Variants in PCDH9 observed in about 807,000 individuals in gnomAD.
The protein encoded by PCDH9 is protocadherin-9.
Under a neutral mutation model 70.6 loss-of-function variants are expected in PCDH9, and 24 were observed. The ratio of observed to expected loss-of-function variants is 0.34; its 90% CI spans 0.25 to 0.48. PCDH9 has a LOEUF of 0.48. Among genes scored for constraint, PCDH9 ranks in the 20% least tolerant of loss-of-function variants. The probability of loss-of-function intolerance (pLI) is 0.99; values close to 1 mark genes in which losing one functional copy is unlikely to be tolerated. For synonymous variants in PCDH9, 562 were observed against 558.5 expected, an observed-to-expected ratio of 1.01 and a Z score of -0.09; for missense variants, 1,281 against 1,503.6, an observed-to-expected ratio of 0.85 and a Z score of 2.45.
rs576734431 is a variant in PCDH9 at position 67,140,654 on chromosome 13, T to C, written c.3036+84751A>G. On this transcript the variant is annotated intron_variant, in intron 2 of 4. Transcript: ENST00000377865. ...TGGGATGGAACCTATACCTGGTATT[T>C]CTTTAAAAACCCCAGCTAATTCCAA... Among the ~76,000 whole-genome samples the C allele has an allele frequency of 3.1e-4, 47 of 152,330 alleles. 1 individual carries two copies. Among genetic ancestry groups the C allele is most frequent in the African/African-American group, 1.1e-3 (47 of 41,580 alleles).
At chr13:66,364,163 AC>A (rs1439313716) in intron 4 of PCDH9, among the ~76,000 whole-genome samples, 3 of 152,284 alleles carry the variant, frequency 2.0e-5, no homozygotes, top group African/African-American at 7.2e-5. Context: ...GTCCAAAAAA[AC>A]AAACAAAAAA....
At chr13:67,052,636 G>A (rs565627670) in intron 2 of PCDH9, among the ~76,000 whole-genome samples, 22 of 151,624 alleles carry the variant, frequency 1.5e-4, no homozygotes, top group Non-Finnish European at 2.9e-4. Flanking sequence ...GGAGGGAGGT[G>A]CAGCCATTCA....
chr13:66,499,101 A>C (rs746939038), intron 4 of PCDH9, among the ~76,000 whole-genome samples: 1 of 152,064 alleles, frequency 6.6e-6, no homozygotes, highest in Non-Finnish European at 1.5e-5. Flanking sequence ...GACAAAAATA[A>C]AAGCTTATGA....
chr13:66,851,032 A>G (rs61651176), intron 3 of PCDH9, among the ~76,000 whole-genome samples: 139 of 152,350 alleles, frequency 9.1e-4, no homozygotes, highest in African/African-American at 3.3e-3. Context: ...AATTAAACCA[A>G]TAGAAATCTA....
At chr13:66,313,559 C>T (rs1029139574) in intron 4 of PCDH9, among the ~76,000 whole-genome samples, 2 of 152,150 alleles carry the variant, frequency 1.3e-5, no homozygotes, top group Admixed American at 6.5e-5. Context: ...GTTGCAAAAG[C>T]GAGCCTGAAT....
chr13:66,543,211 T>C (rs564894640), intron 4 of PCDH9, among the ~76,000 whole-genome samples: 1 of 152,102 alleles, frequency 6.6e-6, no homozygotes, highest in Non-Finnish European at 1.5e-5. Flanking sequence ...ATATCACTAG[T>C]AGACAGAATG....
chr13:66,854,729 G>A (rs1362603505), intron 3 of PCDH9, among the ~76,000 whole-genome samples: 2 of 152,034 alleles, frequency 1.3e-5, no homozygotes, highest in Admixed American at 1.3e-4. Flanking sequence ...CAAAAACTCT[G>A]TGATATGCTT....
At chr13:67,181,246 A>C (rs935922601) in intron 2 of PCDH9, among the ~76,000 whole-genome samples, 1 of 152,248 alleles carries the variant, frequency 6.6e-6, no homozygotes, top group Non-Finnish European at 1.5e-5. Flanking sequence ...ATGGTAAATC[A>C]AACTTGCATA....
intron 4 of PCDH9, among the ~76,000 whole-genome samples, chr13:66,543,274 T>C (rs1386739963): frequency 6.6e-6 from 1 of 152,048 alleles, no homozygotes; most frequent in Non-Finnish European, 1.5e-5. Context: ...AAAATAGTTA[T>C]ATGAGTAAAA....
At chr13:66,596,483 T>C (rs1241976073) in intron 4 of PCDH9, among the ~76,000 whole-genome samples, 1 of 151,200 alleles carries the variant, frequency 6.6e-6, no homozygotes, top group African/African-American at 2.4e-5. Context: ...CACCCATATA[T>C]GTGTAAATTT....
intron 2 of PCDH9, among the ~76,000 whole-genome samples, chr13:66,905,230 G>C (rs1393373000): frequency 6.6e-6 from 1 of 151,408 alleles, no homozygotes; most frequent in South Asian, 2.1e-4. Context: ...TTTCATCTGT[G>C]ATGTCCATAG....
chr13:66,683,809 C>T (rs761464067), intron 3 of PCDH9, among the ~76,000 whole-genome samples: 21 of 151,816 alleles, frequency 1.4e-4, no homozygotes, highest in Non-Finnish European at 2.6e-4. Flanking sequence ...AATTCCCTCC[C>T]CACCTTATTC....
chr13:66,696,592 T>C (rs937753239), intron 3 of PCDH9, among the ~76,000 whole-genome samples: 3 of 152,134 alleles, frequency 2.0e-5, no homozygotes, highest in African/African-American at 4.8e-5. Flanking sequence ...GGTAACATAA[T>C]TGACTTTCTA....
At chr13:67,192,949 T>C (rs1407880202) in intron 2 of PCDH9, among the ~76,000 whole-genome samples, 2 of 152,192 alleles carry the variant, frequency 1.3e-5, no homozygotes, top group African/African-American at 4.8e-5. Context: ...ACTGTCCCTC[T>C]GACCAATTCT....
At chr13:66,549,558 C>A (rs1961382716) in intron 4 of PCDH9, among the ~76,000 whole-genome samples, 1 of 151,850 alleles carries the variant, frequency 6.6e-6, no homozygotes, top group Non-Finnish European at 1.5e-5. Context: ...TTTTTTTGGA[C>A]TGGGTCCAGG....
At chr13:66,752,832 A>AC (rs2079481612) in intron 3 of PCDH9, among the ~76,000 whole-genome samples, 1 of 152,174 alleles carries the variant, frequency 6.6e-6, no homozygotes, top group Admixed American at 6.5e-5. Flanking sequence ...AGAAAAGAGA[A>AC]ATAGGGGTTA....
intron 2 of PCDH9, among the ~76,000 whole-genome samples, chr13:67,149,205 A>T (rs1211479417): frequency 6.6e-6 from 1 of 152,184 alleles, no homozygotes. Flanking sequence ...GCCTGCTAGA[A>T]TTTGTGAGTC....
At chr13:66,854,623 CTT>C (rs369097579) in intron 3 of PCDH9, among the ~76,000 whole-genome samples, 24 of 148,102 alleles carry the variant, frequency 1.6e-4, no homozygotes, top group African/African-American at 5.9e-4. Context: ...TTTAGTGCCA[CTT>C]TTTTTTTTGT....
At chr13:66,397,391 C>T (rs1957117926) in intron 4 of PCDH9, among the ~76,000 whole-genome samples, 1 of 151,654 alleles carries the variant, frequency 6.6e-6, no homozygotes, top group Non-Finnish European at 1.5e-5. Context: ...TGCACCCCAG[C>T]CTGGGTGACA....
Sources: gnomAD v4.1 joint callset for allele counts (sites outside exome capture counted in the v4.1 genomes callset) on GRCh38, gnomAD v4.1.1 for gene constraint, MANE v1.5 for transcripts, NCBI Gene and HGNC (gene_info 2026-07-23, HGNC 2026-07-21) for gene names.